SNTG1: variants seen among roughly 807,000 people sequenced by gnomAD.
The protein encoded by SNTG1 is gamma-1-syntrophin.
SNTG1 carries 39 observed loss-of-function variants against 74.7 expected under a neutral mutation model. The observed-to-expected ratio is 0.52, with a 90% CI of 0.40 to 0.68. SNTG1 has a LOEUF of 0.68. Among genes scored for constraint, SNTG1 ranks in the 30% least tolerant of loss-of-function variants. SNTG1 has a pLI of 0.00. For missense variants in SNTG1, 685 were observed against 609.5 expected (o/e 1.12, Z -1.30); for synonymous variants, 254 against 217.1 (o/e 1.17, Z -1.49).
At chr8:50,059,364 A>G (rs1338082190) in intron 1 of SNTG1, among the ~76,000 whole-genome samples, 1 of 152,074 alleles carries the variant, frequency 6.6e-6, no homozygotes, top group East Asian at 1.9e-4. Context: ...ACAGCTTATA[A>G]CTCACTCGTT....
intron 1 of SNTG1, among the ~76,000 whole-genome samples, chr8:50,013,195 A>G (rs747263939): frequency 1.1e-4 from 16 of 152,178 alleles, no homozygotes; most frequent in Non-Finnish European, 2.4e-4. Context: ...CTAGTGTTTA[A>G]TCTTCATAGA....
At chr8:50,097,170 T>C (rs2079958847) in intron 1 of SNTG1, among the ~76,000 whole-genome samples, 1 of 151,956 alleles carries the variant, frequency 6.6e-6, no homozygotes, top group African/African-American at 2.4e-5. Flanking sequence ...CGCAGTTTCG[T>C]CGTGTTGGCC....
chr8:50,568,590 TG>T (rs1477509640), intron 12 of SNTG1, among the ~76,000 whole-genome samples: 1 of 152,142 alleles, frequency 6.6e-6, no homozygotes, highest in Non-Finnish European at 1.5e-5. Context: ...TGATTAGTAA[TG>T]GTGACAATTT....
chr8:50,583,784 T>A lies in SNTG1; in HGVS notation c.811-7095T>A, dbSNP rs191929366. 6.8e-3 allele frequency among the ~76,000 whole-genome samples: 1,028 copies of A among 151,866 alleles called. 10 individuals are homozygous for A. Among genetic ancestry groups the A allele is most frequent in the African/African-American group, 0.022 (893 of 41,332 alleles). ...TTGTTTTTTCTTTTCTTTTTTTTTT[T>A]AATTATGCTTTAAGTTCTAGGGTAC... On this transcript the variant is annotated intron_variant, in intron 12 of 18. Transcript: ENST00000642720.
intron 2 of SNTG1, among the ~76,000 whole-genome samples, chr8:50,329,248 G>C (rs572129713): frequency 2.0e-4 from 30 of 152,228 alleles, no homozygotes; most frequent in African/African-American, 7.0e-4. Context: ...TCATTCTGGG[G>C]TATGGAGGAC....
At chr8:50,726,100 A>G (rs545602452) in intron 17 of SNTG1, among the ~76,000 whole-genome samples, 24 of 152,288 alleles carry the variant, frequency 1.6e-4, no homozygotes, top group African/African-American at 4.8e-4. Flanking sequence ...GTGTACAAAT[A>G]TAATTTCCAT....
intron 1 of SNTG1, among the ~76,000 whole-genome samples, chr8:50,034,366 TG>T (rs1817977445): frequency 6.6e-6 from 1 of 152,248 alleles, no homozygotes; most frequent in African/African-American, 2.4e-5. Flanking sequence ...TGTTAACTGG[TG>T]TAGTTAGAAA....
chr8:50,188,482 T>C (rs1428008495), intron 2 of SNTG1, among the ~76,000 whole-genome samples: 1 of 152,102 alleles, frequency 6.6e-6, no homozygotes, highest in East Asian at 1.9e-4. Flanking sequence ...CAGATCCATT[T>C]GTAAACTACA....
intron 1 of SNTG1, among the ~76,000 whole-genome samples, chr8:50,087,551 A>T (rs2131127454): frequency 6.6e-6 from 1 of 152,212 alleles, no homozygotes; most frequent in Non-Finnish European, 1.5e-5. Flanking sequence ...AGGTGCTTTC[A>T]TGGGAAAAAT....
At chr8:50,205,364 G>A (rs1159271640) in intron 2 of SNTG1, among the ~76,000 whole-genome samples, 1 of 152,198 alleles carries the variant, frequency 6.6e-6, no homozygotes, top group Non-Finnish European at 1.5e-5. Flanking sequence ...TGCACAAAAT[G>A]TCTTCTTTTG....
intron 2 of SNTG1, among the ~76,000 whole-genome samples, chr8:50,340,829 G>A (rs2091294368): frequency 6.6e-6 from 1 of 151,840 alleles, no homozygotes; most frequent in African/African-American, 2.4e-5. Context: ...CTTTGTTTTT[G>A]TCTGTACATT....
intron 14 of SNTG1, among the ~76,000 whole-genome samples, chr8:50,658,368 A>G (rs952743448): frequency 1.3e-5 from 2 of 152,210 alleles, no homozygotes; most frequent in Admixed American, 6.5e-5. Flanking sequence ...ACTGTTGCAC[A>G]TAATATAAAT....
chr8:50,404,300 TACA>T (rs2092842739), intron 4 of SNTG1, among the ~76,000 whole-genome samples: 1 of 152,040 alleles, frequency 6.6e-6, no homozygotes, highest in Non-Finnish European at 1.5e-5. Flanking sequence ...AATGGAGAAA[TACA>T]ACATGATCAT....
At chr8:49,930,374 C>T (rs1807458684) in intron 1 of SNTG1, among the ~76,000 whole-genome samples, 1 of 151,990 alleles carries the variant, frequency 6.6e-6, no homozygotes, top group Non-Finnish European at 1.5e-5. Context: ...GAGAATCATA[C>T]TATAACCTCA....
intron 8 of SNTG1, among the ~76,000 whole-genome samples, chr8:50,498,121 A>G (rs140798368): frequency 4.6e-4 from 70 of 152,038 alleles, no homozygotes; most frequent in East Asian, 4.4e-3. Context: ...TCTTGGATAA[A>G]TTTCTAAAAA....
chr8:50,383,249 A>C (rs1224336362), intron 2 of SNTG1, among the ~76,000 whole-genome samples: 2 of 152,200 alleles, frequency 1.3e-5, no homozygotes, highest in Admixed American at 6.5e-5. Flanking sequence ...ATGATACAAC[A>C]GTCCTTTGTA....
intron 9 of SNTG1, among the ~76,000 whole-genome samples, chr8:50,511,087 A>G (rs2094068605): frequency 6.6e-6 from 1 of 152,108 alleles, no homozygotes; most frequent in South Asian, 2.1e-4. Context: ...ACAGCTTTGA[A>G]TGTGTCCCAA....
chr8:49,915,315 C>T (rs1805929275), intron 1 of SNTG1, among the ~76,000 whole-genome samples: 1 of 152,116 alleles, frequency 6.6e-6, no homozygotes, highest in African/African-American at 2.4e-5. Flanking sequence ...AGTGTTATAT[C>T]TGTGAGTTAT....
At chr8:50,413,271 T>C (rs911398628) in intron 4 of SNTG1, among the ~76,000 whole-genome samples, 1 of 152,206 alleles carries the variant, frequency 6.6e-6, no homozygotes, top group African/African-American at 2.4e-5. Flanking sequence ...GAGGCATAGA[T>C]GGATGACAGA....
Sources: allele counts gnomAD v4.1 joint callset (sites outside exome capture counted in the v4.1 genomes callset), GRCh38; gene constraint gnomAD v4.1.1; transcripts MANE v1.5; gene names NCBI Gene and HGNC (gene_info 2026-07-23, HGNC 2026-07-21).